C1orf162: variants seen among roughly 807,000 people sequenced by gnomAD.
C1orf162 encodes the protein transmembrane protein C1orf162.
Under a neutral mutation model 11.4 loss-of-function variants are expected in C1orf162, and 10 were observed. That is an observed-to-expected ratio of 0.88 (90% CI 0.54 to 1.48). The LOEUF (loss-of-function observed/expected upper bound fraction) is 1.48, where lower values mean the gene tolerates loss of function less well. Ranked by LOEUF, C1orf162 falls within the 40% of genes most tolerant of loss-of-function variation. C1orf162 has a pLI of 0.00. For synonymous variants in C1orf162, 53 were observed against 55.0 expected, an observed-to-expected ratio of 0.96 and a Z score of 0.16; for missense variants, 140 against 149.5, an observed-to-expected ratio of 0.94 and a Z score of 0.33.
chr1:111,478,417 G>T lies in C1orf162; in HGVS notation c.*294G>T. ...CAAAGTGTGTGGTACAGAGCTCAGT[G>T]CACAGAGTATTCACCCAGCATCATG... is the stretch of plus-strand genomic sequence containing the variant. On this transcript the variant is annotated 3_prime_UTR_variant, in exon 6 of 6. Transcript: ENST00000369718. The T allele has an allele frequency of 2.5e-6, 1 of 404,064 alleles. No individual in the cohort carries two copies. Among genetic ancestry groups the T allele is most frequent in the Non-Finnish European group, 4.5e-6 (1 of 220,434 alleles). 25.0% of individuals were successfully genotyped at this position (404,064 alleles called of 1,614,324 possible).
At chr1:111,477,152 C>A in intron 3 of C1orf162, 182 bp from the exon 4 acceptor site, 1 of 649,924 alleles carries the variant, frequency 1.5e-6, no homozygotes, top group South Asian at 1.9e-5. Flanking sequence ...GCCACAGCTT[C>A]CTCTGAGGCC....
chr1:111,477,782 T>C lies in C1orf162; in HGVS notation c.252+7T>C. The C allele has an allele frequency of 6.2e-7, 1 of 1,614,126 alleles. No individual in the cohort carries two copies. Among genetic ancestry groups the C allele is most frequent in the Non-Finnish European group, 8.5e-7 (1 of 1,179,984 alleles). ...CTCAGATCCTCCAGCCAAGGTAAGATGACCACACTGTTTTGGGGACACTGA... is the reference window on the plus strand; with the variant it reads ...CTCAGATCCTCCAGCCAAGGTAAGACGACCACACTGTTTTGGGGACACTGA... On this transcript the variant is annotated splice_region_variant and intron_variant, in intron 5 of 5. Transcript: ENST00000369718.
At chr1:111,477,452 A>G (rs779510009) in intron 4 of C1orf162, 24 bp downstream of exon 4, 2 of 1,573,580 alleles carry the variant, frequency 1.3e-6, no homozygotes, top group South Asian at 1.1e-5. Flanking sequence ...AAGGGATAGG[A>G]CAGCCCTTCT....
chr1:111,477,277 T>C (rs907377183), intron 3 of C1orf162, 57 bp from the exon 4 acceptor site: 16 of 1,447,738 alleles, frequency 1.1e-5, no homozygotes, highest in Admixed American at 1.7e-5. Context: ...TTTCACTCTT[T>C]AGGAAAGGCC....
chr1:111,478,003 A>G lies in C1orf162; in HGVS notation c.273A>G (p.Glu91=). The change falls in exon 6 of 6, where the codon GAA becomes GAG. Residue 91 remains glutamate, a synonymous_variant. Transcript: ENST00000369718. ...TGCAGCTTTCATCCATCCCAGGGGA[A>G]TCACTTACCTATGCCAGCACAACTT... ...PPAKLSSIPG[E]SLTYASTTFK... is the part of the protein sequence containing the mutation. 6.2e-7 allele frequency: 1 copy of G among 1,614,132 alleles called. No individual in the cohort carries two copies. The highest frequency in any genetic ancestry group is 1.1e-5 in the South Asian group (1 of 91,084).
intron 3 of C1orf162, 113 bp downstream of exon 3, chr1:111,476,980 A>G (rs533049296): frequency 5.1e-6 from 6 of 1,166,662 alleles, no homozygotes; most frequent in South Asian, 4.9e-5. Context: ...AGGACTAGAA[A>G]CAGTAAAAGA....
chr1:111,477,079 GT>G, intron 3 of C1orf162: 1 of 650,904 alleles, frequency 1.5e-6, no homozygotes, highest in South Asian at 1.9e-5. Context: ...AAGCTTATAG[GT>G]AAAATTTGCT....
At chr1:111,477,030 T>C in intron 3 of C1orf162, 163 bp downstream of exon 3, 2 of 778,600 alleles carry the variant, frequency 2.6e-6, no homozygotes, top group Non-Finnish European at 4.3e-6. Flanking sequence ...GGCTCTTAAT[T>C]TGGCATCCCC....
chr1:111,476,655 TTC>T (rs1653999046), intron 2 of C1orf162, 141 bp from the exon 3 acceptor site: 1 of 751,734 alleles, frequency 1.3e-6, no homozygotes, highest in Non-Finnish European at 2.3e-6. Context: ...AAAAACAATG[TTC>T]TCTCATTTTT....
chr1:111,476,935 C>G lies in C1orf162; in HGVS notation c.107+68C>G, dbSNP rs564088323. 14 of 1,542,194 alleles carry G rather than the reference C, an allele frequency of 9.1e-6. No homozygotes were observed. The African/African-American group carries it at 1.6e-4, about 18-fold the overall frequency. ...GGATTTGATGTTGTGCTGACAGCCT[C>G]GGCTTGGGGATTTGGGCAGGGAGAC... is the stretch of plus-strand genomic sequence containing the variant. On this transcript the variant is annotated intron_variant, in intron 3 of 5. Coordinates refer to ENST00000369718, the MANE Select transcript of C1orf162 (RefSeq NM_001300834.2).
Position 111,477,318 on chromosome 1 carries a change from T to C in C1orf162, c.108-16T>C. On this transcript the variant is annotated splice_polypyrimidine_tract_variant and intron_variant, in intron 3 of 5. Transcript: ENST00000369718. ...AAGCCCAACAGTTCATCCCCTGCCT[T>C]TCTTTGCCAAAACAGCAAAAAACAT... The C allele has an allele frequency of 1.9e-6, 3 of 1,609,030 alleles. No individual in the cohort carries two copies. Among genetic ancestry groups the C allele is most frequent in the Non-Finnish European group, 2.6e-6 (3 of 1,175,374 alleles).
chr1:111,478,286 C>G lies in C1orf162; in HGVS notation c.*163C>G. ...AATGCTATCCAGCATCTTTGGAGAC[C>G]AATGGTCAGTCTTTTCCTGGCCAGA... On this transcript the variant is annotated 3_prime_UTR_variant, in exon 6 of 6. Coordinates refer to ENST00000369718, the MANE Select transcript of C1orf162 (RefSeq NM_001300834.2). The G allele has an allele frequency of 1.3e-6, 1 of 795,030 alleles. No individual in the cohort carries two copies. Among genetic ancestry groups the G allele is most frequent in the Non-Finnish European group, 2.0e-6 (1 of 500,652 alleles). 49.2% of individuals were successfully genotyped at this position (795,030 alleles called of 1,614,324 possible).
At chr1:111,475,896 AG>A in intron 1 of C1orf162, 121 bp from the exon 2 acceptor site, 1 of 704,612 alleles carries the variant, frequency 1.4e-6, no homozygotes, top group Admixed American at 2.1e-5. Flanking sequence ...TGATGGCACT[AG>A]AACACCCACA....
chr1:111,476,199 A>G, intron 2 of C1orf162, 134 bp downstream of exon 2: 2 of 900,194 alleles, frequency 2.2e-6, no homozygotes, highest in Non-Finnish European at 3.5e-6. Context: ...TTACCAGGAC[A>G]CAGAATTTAA....
rs1261666156 is a variant in C1orf162, at chr1:111,478,112, G to A, written c.382G>A (p.Val128Ile). 30 of 1,614,226 alleles carry A rather than the reference G, an allele frequency of 1.9e-5. No homozygotes were observed. Among genetic ancestry groups the A allele is most frequent in the Non-Finnish European group, 2.5e-5 (30 of 1,180,028 alleles). ...CCCCATTGTCTATGCTCAAATTAAA[G>A]TAACAAACTAACTCAGCTTTTCCAA... ...FDPIVYAQIK[V>I]TN Residue 128 changes from valine to isoleucine, a missense_variant, in exon 6 of 6, where the codon GTA becomes ATA. By Grantham distance (29) the Val-to-Ile change is conservative. Transcript: ENST00000369718.
At chr1:111,477,599 T>G in intron 4 of C1orf162, 127 bp from the exon 5 acceptor site, 2 of 794,480 alleles carry the variant, frequency 2.5e-6, no homozygotes, top group Non-Finnish European at 3.8e-6. Context: ...TCTTCCGCCC[T>G]GCCCCCCACC....
intron 5 of C1orf162, 45 bp downstream of exon 5, chr1:111,477,820 A>G: frequency 1.2e-6 from 2 of 1,609,962 alleles, no homozygotes; most frequent in South Asian, 2.2e-5. Context: ...GGCTACCGTC[A>G]TTGGAATTCC....
At position 111,478,061 on chromosome 1, in the gene C1orf162, G is replaced by T. The variant is rs754171167; in HGVS notation, c.331G>T (p.Ala111Ser). 2 of 1,614,108 alleles carry T rather than the reference G, an allele frequency of 1.2e-6. No individual in the cohort carries two copies. The highest frequency in any genetic ancestry group is 1.1e-5 in the South Asian group (1 of 91,082). The change falls in exon 6 of 6, where the codon GCT becomes TCT. Residue 111 changes from alanine to serine, a missense_variant. Transcript: ENST00000369718. ...KLSEEKSNHL[A>S]ENHSADFDPI... ...CTCAGAAGAAAAGAGCAATCACTTGGCTGAGAACCATTCTGCAGACTTTGA... is the reference window on the plus strand; with the variant it reads ...CTCAGAAGAAAAGAGCAATCACTTGTCTGAGAACCATTCTGCAGACTTTGA...
At position 111,478,215 on chromosome 1, in the gene C1orf162, C is replaced by A; in HGVS notation, c.*92C>A. On this transcript the variant is annotated 3_prime_UTR_variant, in exon 6 of 6. Transcript: ENST00000369718. ...TCACTTTTTTACAAATTTTGGACCA[C>A]CACCTGTGTGAAACTGCAGTCGGAG... The A allele has an allele frequency of 6.7e-7, 1 of 1,493,768 alleles. No individual in the cohort carries two copies. Among genetic ancestry groups the A allele is most frequent in the Non-Finnish European group, 9.2e-7 (1 of 1,081,278 alleles). 92.5% of individuals were successfully genotyped at this position (1,493,768 alleles called of 1,614,324 possible).
Sources: allele counts gnomAD v4.1 joint callset, GRCh38; gene constraint gnomAD v4.1.1; transcripts MANE v1.5; gene names NCBI Gene and HGNC (gene_info 2026-07-23, HGNC 2026-07-21).